Variants in COL11A1 observed in about 807,000 individuals in gnomAD.
COL11A1 encodes the protein collagen type XI alpha 1 chain, also known as collagen alpha-1(XI) chain.
Under a neutral mutation model 265.2 loss-of-function variants are expected in COL11A1, and 74 were observed. The ratio of observed to expected loss-of-function variants is 0.28; its 90% CI spans 0.23 to 0.34. COL11A1 has a LOEUF of 0.34. Among genes scored for constraint, COL11A1 ranks in the 10% least tolerant of loss-of-function variants. The pLI, the probability that COL11A1 is intolerant of heterozygous loss-of-function variation, is 1.00. For missense variants in COL11A1, 2,165 were observed against 2,263.6 expected (o/e 0.96, Z 0.88); for synonymous variants, 816 against 727.6 (o/e 1.12, Z -1.96).
intron 28 of COL11A1, among the ~76,000 whole-genome samples, chr1:102,992,703 A>G (rs1237447489): frequency 6.6e-6 from 1 of 152,080 alleles, no homozygotes; most frequent in Non-Finnish European, 1.5e-5. Flanking sequence ...AACATAATTT[A>G]CTACTTGATT....
intron 4 of COL11A1, among the ~76,000 whole-genome samples, chr1:103,058,813 G>A (rs1235323194): frequency 2.0e-5 from 3 of 152,046 alleles, no homozygotes; most frequent in African/African-American, 4.8e-5. Context: ...GATGGTATAT[G>A]CTCATTTCAT....
At chr1:103,073,834 A>G (rs1671766022) in intron 4 of COL11A1, among the ~76,000 whole-genome samples, 1 of 152,010 alleles carries the variant, frequency 6.6e-6, no homozygotes, top group Admixed American at 6.6e-5. Flanking sequence ...GTATAGTCAC[A>G]CATCAAAAAA....
Position 102,974,766 on chromosome 1 carries a change from C to T in COL11A1, c.2808+64G>A, listed in dbSNP as rs1662303683. 5 of 1,202,852 alleles carry T rather than the reference C, an allele frequency of 4.2e-6. No homozygotes were observed. In the East Asian group the frequency reaches 1.2e-4, roughly 28 times the overall value. 74.5% of individuals were successfully genotyped at this position (1,202,852 alleles called of 1,614,324 possible). ...TATCTAACAAATATATAAATGTAAG[C>T]TGTGACTCTCAAAAATGTAAAAATA... On this transcript the variant is annotated intron_variant, in intron 36 of 66. Transcript: ENST00000370096.
intron 41 of COL11A1, among the ~76,000 whole-genome samples, chr1:102,955,203 G>T (rs4908280): frequency 0.61 from 92,842 of 151,766 alleles, 30,735 homozygotes; most frequent in East Asian, 0.91. Context: ...TTCCCTTGCT[G>T]GAAGAATAAG....
intron 54 of COL11A1, among the ~76,000 whole-genome samples, chr1:102,910,850 T>G (rs1025404395): frequency 1.3e-5 from 2 of 152,050 alleles, no homozygotes; most frequent in Admixed American, 6.6e-5. Flanking sequence ...CCACATTATA[T>G]AGCATCCCAC....
At chr1:102,927,574 C>G (rs1001201148) in intron 46 of COL11A1, among the ~76,000 whole-genome samples, 1 of 151,852 alleles carries the variant, frequency 6.6e-6, no homozygotes, top group Non-Finnish European at 1.5e-5. Flanking sequence ...ACCTGGGAAG[C>G]GGAGCTTGCA....
At chr1:103,061,954 CTAAG>C (rs1028727521) in intron 4 of COL11A1, among the ~76,000 whole-genome samples, 1 of 151,668 alleles carries the variant, frequency 6.6e-6, no homozygotes, top group African/African-American at 2.4e-5. Context: ...GCTAAGCCAA[CTAAG>C]TAAGAGATAA....
At chr1:103,002,281 T>A (rs971823509) in intron 23 of COL11A1, 147 bp downstream of exon 23, 1 of 846,982 alleles carries the variant, frequency 1.2e-6, no homozygotes. Context: ...CAAATTTTTT[T>A]AAAAAAAGAA....
chr1:103,094,943 T>C (rs559617801), intron 1 of COL11A1, among the ~76,000 whole-genome samples: 2 of 152,050 alleles, frequency 1.3e-5, no homozygotes, highest in Non-Finnish European at 2.9e-5. Context: ...TCTGAATTTA[T>C]CTTTGATTAA....
intron 54 of COL11A1, among the ~76,000 whole-genome samples, chr1:102,904,512 T>A (rs1195918623): frequency 6.6e-6 from 1 of 151,680 alleles, no homozygotes; most frequent in Non-Finnish European, 1.5e-5. Flanking sequence ...TACAATGAAC[T>A]CAAACAAATT....
At chr1:102,976,069 C>T (rs1043262661) in intron 35 of COL11A1, among the ~76,000 whole-genome samples, 1 of 151,962 alleles carries the variant, frequency 6.6e-6, no homozygotes, top group Non-Finnish European at 1.5e-5. Context: ...AAATAAAAAT[C>T]CATTTTAAGT....
At chr1:102,972,896 G>T (rs1269401168) in intron 36 of COL11A1, among the ~76,000 whole-genome samples, 1 of 151,376 alleles carries the variant, frequency 6.6e-6, no homozygotes, top group African/African-American at 2.5e-5. Context: ...ATGGATGGCT[G>T]CATATTCCCA....
At chr1:102,950,467 G>C (rs1028764414) in intron 41 of COL11A1, among the ~76,000 whole-genome samples, 1 of 152,024 alleles carries the variant, frequency 6.6e-6, no homozygotes, top group Admixed American at 6.5e-5. Flanking sequence ...CTGAAATAGT[G>C]TGGGTTAATG....
chr1:102,909,915 G>T (rs944379758), intron 54 of COL11A1, among the ~76,000 whole-genome samples: 1 of 151,660 alleles, frequency 6.6e-6, no homozygotes, highest in Non-Finnish European at 1.5e-5. Flanking sequence ...TTATAATAAA[G>T]AATAAAAATT....
At chr1:103,009,556 C>T (rs1285181083) in intron 14 of COL11A1, among the ~76,000 whole-genome samples, 1 of 152,120 alleles carries the variant, frequency 6.6e-6, no homozygotes, top group Non-Finnish European at 1.5e-5. Flanking sequence ...CAACACATAT[C>T]CCCAAAAACT....
At chr1:103,013,205 A>C (rs185850845) in intron 13 of COL11A1, among the ~76,000 whole-genome samples, 7 of 152,200 alleles carry the variant, frequency 4.6e-5, no homozygotes, top group Non-Finnish European at 8.8e-5. Context: ...ATAATACAAC[A>C]GAAATAAATG....
At chr1:103,102,246 C>T (rs1055546757) in intron 1 of COL11A1, among the ~76,000 whole-genome samples, 3 of 151,736 alleles carry the variant, frequency 2.0e-5, no homozygotes, top group Non-Finnish European at 4.4e-5. Flanking sequence ...AAAAAAATAC[C>T]TTTAGGTTTT....
chr1:103,015,665 T>C lies in COL11A1; in HGVS notation c.1488+3A>G, dbSNP rs1666503754. 2 of 1,600,240 alleles carry C rather than the reference T, an allele frequency of 1.2e-6. No individual in the cohort carries two copies. Among genetic ancestry groups the C allele is most frequent in the South Asian group, 2.2e-5 (2 of 89,686 alleles). The stretch of plus-strand genomic sequence containing the variant: ...CATCTCTATAACATAAAAAAGAACA[T>C]ACCGGTAACATCAACATAGTACCAG... On this transcript the variant is annotated splice_donor_region_variant and intron_variant, in intron 12 of 66. Coordinates refer to ENST00000370096, the MANE Select transcript of COL11A1 (RefSeq NM_001854.4).
chr1:103,031,185 C>G lies in COL11A1; in HGVS notation c.711G>C (p.Glu237Asp). The change falls in exon 5 of 67, where the codon GAG (glutamate) becomes GAC (aspartate). Residue 237 changes from glutamate (E) to aspartate (D), a missense_variant. By Grantham distance (45) the Glu-to-Asp change is conservative. Transcript: ENST00000370096. ...AAGAGTCACAGTCTGGACTATAATGCTCACAGTAGTCATATGCTGCCTTGG... is the reference window on the plus strand; with the variant it reads ...AAGAGTCACAGTCTGGACTATAATGGTCACAGTAGTCATATGCTGCCTTGG... ...GDPKAAYDYC[E>D]HYSPDCDSSA... 2 of 1,611,716 alleles carry G rather than the reference C, an allele frequency of 1.2e-6. No homozygotes were observed. The highest frequency in any genetic ancestry group is 1.7e-6 in the Non-Finnish European group (2 of 1,179,544).
Sources: gnomAD v4.1 joint callset for allele counts (sites outside exome capture counted in the v4.1 genomes callset) on GRCh38, gnomAD v4.1.1 for gene constraint, MANE v1.5 for transcripts, NCBI Gene and HGNC (gene_info 2026-07-23, HGNC 2026-07-21) for gene names.